The following PTPRK variants were observed in gnomAD, a reference collection of about 807,000 sequenced individuals.
The protein encoded by PTPRK is protein tyrosine phosphatase receptor type K.
In PTPRK, 75 loss-of-function variants were observed where a neutral mutation model predicts 178.0. The observed-to-expected ratio is 0.42, with a 90% confidence interval of 0.35 to 0.51. The LOEUF (loss-of-function observed/expected upper bound fraction) is 0.51, where lower values mean the gene tolerates loss of function less well. PTPRK is among the 20% of genes least tolerant of loss of function. The pLI, the probability that PTPRK is intolerant of heterozygous loss-of-function variation, is 0.02. For missense variants in PTPRK, 1,441 were observed against 1,797.8 expected, an observed-to-expected ratio of 0.80 and a Z score of 3.59; for synonymous variants, 637 against 620.6, an observed-to-expected ratio of 1.03 and a Z score of -0.39.
At chr6:128,120,048 GA>G in intron 7 of PTPRK, among the ~76,000 whole-genome samples, 1 of 151,868 alleles carries the variant, frequency 6.6e-6, no homozygotes, top group African/African-American at 2.4e-5. Context: ...AATGAAATCT[GA>G]AAAAAAGTTA....
At chr6:128,055,652 C>T (rs1014550995) in intron 13 of PTPRK, among the ~76,000 whole-genome samples, 30 of 151,980 alleles carry the variant, frequency 2.0e-4, no homozygotes, top group African/African-American at 6.5e-4. Context: ...CAAGCTGGAG[C>T]GCAGTGGAGT....
chr6:128,413,288 G>A (rs1296513838), intron 1 of PTPRK, among the ~76,000 whole-genome samples: 1 of 152,106 alleles, frequency 6.6e-6, no homozygotes, highest in Non-Finnish European at 1.5e-5. Flanking sequence ...ACAGACCAGG[G>A]CATAAGAGAA....
chr6:128,243,374 C>T lies in PTPRK; in HGVS notation c.496-772G>A, dbSNP rs555183503. Among the ~76,000 whole-genome samples the T allele has an allele frequency of 3.3e-4, 49 of 150,094 alleles. 1 individual carries two copies. Among genetic ancestry groups the T allele is most frequent in the African/African-American group, 1.2e-3 (48 of 40,842 alleles). On this transcript the variant is annotated intron_variant, in intron 3 of 29. Coordinates refer to ENST00000368226, the MANE Select transcript of PTPRK (RefSeq NM_002844.4). ...GCCTTTCTTTTAATGTGTGCTGTGG[C>T]TGGGTGCGGTAACTCACACCTATAA...
intron 1 of PTPRK, among the ~76,000 whole-genome samples, chr6:128,473,174 C>CATGA (rs1850927104): frequency 6.6e-6 from 1 of 151,972 alleles, no homozygotes; most frequent in Non-Finnish European, 1.5e-5. Context: ...TTTTCTCTTT[C>CATGA]ATGACACTGC....
At chr6:128,126,315 T>C (rs1463115615) in intron 7 of PTPRK, among the ~76,000 whole-genome samples, 2 of 152,140 alleles carry the variant, frequency 1.3e-5, no homozygotes, top group East Asian at 1.9e-4. Flanking sequence ...CAACAGCTCA[T>C]TTCTTTTTAT....
At chr6:128,491,944 T>G (rs1853858518) in intron 1 of PTPRK, 1 of 421,456 alleles carries the variant, frequency 2.4e-6, no homozygotes, top group African/African-American at 2.0e-5. Context: ...GATTCACTAC[T>G]GTTCACATTT....
At chr6:128,191,430 A>T (rs1803765704) in intron 6 of PTPRK, among the ~76,000 whole-genome samples, 1 of 152,096 alleles carries the variant, frequency 6.6e-6, no homozygotes, top group Non-Finnish European at 1.5e-5. Flanking sequence ...GGGAGTTTGT[A>T]GGGAAATGGA....
At chr6:128,486,872 G>A (rs1353690527) in intron 1 of PTPRK, among the ~76,000 whole-genome samples, 1 of 151,050 alleles carries the variant, frequency 6.6e-6, no homozygotes, top group East Asian at 2.0e-4. Flanking sequence ...AGGGAGGGAG[G>A]ATTTATGAAT....
Position 128,017,761 on chromosome 6 carries a change from C to CATAT in PTPRK, c.2195-8497_2195-8494dup, listed in dbSNP as rs1554268758. 3.9e-4 allele frequency among the ~76,000 whole-genome samples: 6 copies of CATAT among 15,410 alleles called. No homozygotes were observed. The South Asian group carries it at 8.0e-3, about 21-fold the overall frequency. 10.1% of individuals were successfully genotyped at this position (15,410 alleles called of 152,430 possible). A position where few individuals can be genotyped will look rare whatever the true frequency, so the allele number is the denominator to read the frequency against. ...TATAATATATAAATAAATATATATA[C>CATAT]ATATATAAATATTTATACATATATA... On this transcript the variant is annotated intron_variant, in intron 13 of 29. Coordinates refer to ENST00000368226, the MANE Select transcript of PTPRK (RefSeq NM_002844.4).
chr6:128,285,113 A>G lies in PTPRK; in HGVS notation c.495+36926T>C, dbSNP rs146844132. Among the ~76,000 whole-genome samples, 901 of 152,326 alleles carry G rather than the reference A, an allele frequency of 5.9e-3. 11 individuals carry two copies. The highest frequency in any genetic ancestry group is 0.021 in the African/African-American group (861 of 41,574). Reference sequence around the variant, plus strand: ...TTGTCTTCTTACCCAAATTACACAAAAACAGATAAAAACTGACTTTTGCCA... The same window carrying G: ...TTGTCTTCTTACCCAAATTACACAAGAACAGATAAAAACTGACTTTTGCCA... On this transcript the variant is annotated intron_variant, in intron 3 of 29. Transcript: ENST00000368226.
In PTPRK at chr6:128,443,096, C is replaced by A. The variant is rs530928858; in HGVS notation, c.101-45408G>T. Among the ~76,000 whole-genome samples, 349 of 150,586 alleles carry A rather than the reference C, an allele frequency of 2.3e-3. 2 individuals carry two copies. Among genetic ancestry groups the A allele is most frequent in the African/African-American group, 7.3e-3 (303 of 41,266 alleles). ...CATAGTACACTTCACAAAAAAAAAA[C>A]CAAAAACAATAAGATTAATTATTTA... On this transcript the variant is annotated intron_variant, in intron 1 of 29. Transcript: ENST00000368226.
chr6:128,470,671 T>A (rs1330880098), intron 1 of PTPRK, among the ~76,000 whole-genome samples: 1 of 151,756 alleles, frequency 6.6e-6, no homozygotes, highest in Non-Finnish European at 1.5e-5. Flanking sequence ...TGCAGAATTT[T>A]TCTTTTAAAT....
intron 2 of PTPRK, among the ~76,000 whole-genome samples, chr6:128,376,090 G>A (rs1481804348): frequency 6.6e-6 from 1 of 152,070 alleles, no homozygotes; most frequent in Non-Finnish European, 1.5e-5. Context: ...CTACTATTCT[G>A]GTGTCTGAAG....
chr6:128,061,826 G>A (rs1469324795), intron 13 of PTPRK, among the ~76,000 whole-genome samples: 2 of 152,136 alleles, frequency 1.3e-5, no homozygotes, highest in East Asian at 3.8e-4. Flanking sequence ...CTCTGGCCAT[G>A]CAATTTTTAA....
chr6:128,129,874 T>C (rs1357308934), intron 7 of PTPRK, among the ~76,000 whole-genome samples: 4 of 152,168 alleles, frequency 2.6e-5, no homozygotes, highest in Admixed American at 1.3e-4. Flanking sequence ...ACATTAATCT[T>C]GCTTAGGCTG....
chr6:128,246,045 C>G (rs1422075663), intron 3 of PTPRK, among the ~76,000 whole-genome samples: 2 of 152,054 alleles, frequency 1.3e-5, no homozygotes, highest in African/African-American at 2.4e-5. Flanking sequence ...GCTATCTAAA[C>G]TAAAAGGTGT....
chr6:128,121,115 T>G (rs1241521045), intron 7 of PTPRK, among the ~76,000 whole-genome samples: 1 of 151,978 alleles, frequency 6.6e-6, no homozygotes, highest in Non-Finnish European at 1.5e-5. Context: ...GTTGTAAAAC[T>G]ATTACTATGT....
In PTPRK at chr6:127,998,837, C is replaced by G. The variant is rs141454620; in HGVS notation, c.2562G>C (p.Gly854=). ...LLDVPRYLCE[G]TESPYQTGQL... ...GTCCTGTCTGGTAAGGGGATTCCGT[C>G]CCCTCACAGAGGTAGCGAGGTACGT... Residue 854 remains glycine (G), a synonymous_variant, in exon 16 of 30, where the codon GGG becomes GGC. Coordinates refer to ENST00000368226, the MANE Select transcript of PTPRK (RefSeq NM_002844.4). 1.2e-6 allele frequency: 2 copies of G among 1,609,026 alleles called. No homozygotes were observed. Among genetic ancestry groups the G allele is most frequent in the South Asian group, 1.1e-5 (1 of 90,466 alleles).
chr6:128,334,383 ATTCT>A (rs1039195630), intron 2 of PTPRK, among the ~76,000 whole-genome samples: 3 of 152,210 alleles, frequency 2.0e-5, no homozygotes, highest in African/African-American at 4.8e-5. Context: ...CTAGTCTATT[ATTCT>A]GAAAGTTCCC....
Sources: allele counts gnomAD v4.1 joint callset (sites outside exome capture counted in the v4.1 genomes callset), GRCh38; gene constraint gnomAD v4.1.1; transcripts MANE v1.5; gene names NCBI Gene and HGNC (gene_info 2026-07-23, HGNC 2026-07-21).